ANXA2: variants seen among roughly 807,000 people sequenced by gnomAD.
The protein encoded by ANXA2 is annexin II.
ANXA2 carries 28 observed loss-of-function variants against 47.3 expected under a neutral mutation model. That is an observed-to-expected ratio of 0.59 (90% CI 0.44 to 0.81). The LOEUF is 0.81. Ranked by LOEUF, ANXA2 falls within the 40% of genes least tolerant of loss-of-function variation. The pLI is 0.00. For synonymous variants in ANXA2, 172 were observed against 155.5 expected, an observed-to-expected ratio of 1.11 and a Z score of -0.79; for missense variants, 384 against 414.3, an observed-to-expected ratio of 0.93 and a Z score of 0.64.
intron 1 of ANXA2, chr15:60,396,424 G>A (rs929682149): frequency 6.6e-6 from 1 of 152,190 alleles, no homozygotes; most frequent in Non-Finnish European, 1.5e-5. Flanking sequence ...CCAGAAGAGC[G>A]TCTCTAAGGA....
At chr15:60,394,196 G>A (rs1369404144) in intron 1 of ANXA2, among the ~76,000 whole-genome samples, 1 of 152,234 alleles carries the variant, frequency 6.6e-6, no homozygotes, top group African/African-American at 2.4e-5. Flanking sequence ...AGGCAGCAAA[G>A]AGGCAGGATG....
chr15:60,365,926 C>T (rs2062591351), intron 3 of ANXA2, among the ~76,000 whole-genome samples: 1 of 137,422 alleles, frequency 7.3e-6, no homozygotes, highest in African/African-American at 2.7e-5. Context: ...CTGCTGCCAT[C>T]TCGGCTCACT....
At chr15:60,366,593 G>C (rs2062609982) in intron 3 of ANXA2, among the ~76,000 whole-genome samples, 1 of 149,658 alleles carries the variant, frequency 6.7e-6, no homozygotes, top group South Asian at 2.1e-4. Flanking sequence ...TGAGAAGTGA[G>C]GAGCCCCTCC....
chr15:60,386,133 T>C (rs1196531273), intron 1 of ANXA2, 47 bp from the exon 2 acceptor site: 2 of 1,300,078 alleles, frequency 1.5e-6, no homozygotes, highest in South Asian at 1.2e-5. Flanking sequence ...GGCTCTCCTT[T>C]ACTCTGAAGC....
At chr15:60,383,493 T>C (rs17303041) in intron 2 of ANXA2, 11,848 of 152,300 alleles carry the variant, frequency 0.078, 679 homozygotes, top group South Asian at 0.23. Context: ...CCATTCCAGA[T>C]TGAGGTAAGG....
chr15:60,357,713 GA>G (rs796672447), intron 5 of ANXA2, among the ~76,000 whole-genome samples: 21 of 151,672 alleles, frequency 1.4e-4, no homozygotes, highest in African/African-American at 5.1e-4. Context: ...AGAATGGCGT[GA>G]ACCTGGGAGG....
At chr15:60,372,804 C>T (rs970782909) in intron 3 of ANXA2, among the ~76,000 whole-genome samples, 12 of 151,626 alleles carry the variant, frequency 7.9e-5, no homozygotes, top group African/African-American at 2.9e-4. Context: ...AATGATCCTC[C>T]TGCCTCAACC....
chr15:60,354,089 A>G (rs569889985), intron 8 of ANXA2, 65 bp downstream of exon 8: 1 of 1,297,672 alleles, frequency 7.7e-7, no homozygotes, highest in Non-Finnish European at 1.1e-6. Context: ...GAGTTAAATT[A>G]CTATATAGAC....
intron 3 of ANXA2, among the ~76,000 whole-genome samples, chr15:60,366,814 G>T (rs2062620240): frequency 9.4e-6 from 1 of 106,208 alleles, no homozygotes; most frequent in Non-Finnish European, 2.1e-5. Flanking sequence ...GGGGGGGGGG[G>T]GGTCGGCCAG....
chr15:60,385,978 A>C, intron 2 of ANXA2, 50 bp downstream of exon 2: 2 of 1,246,000 alleles, frequency 1.6e-6, no homozygotes, highest in Admixed American at 1.8e-5. Flanking sequence ...GGTTATCCAG[A>C]GAGATGTCCA....
At position 60,390,134 on chromosome 15, in the gene ANXA2, C is replaced by T. The variant is rs150984809; in HGVS notation, c.-11-4048G>A. On this transcript the variant is annotated intron_variant, in intron 1 of 12. Coordinates refer to ENST00000451270, the MANE Select transcript of ANXA2 (RefSeq NM_004039.3). ...AACAATGAGTTGCTATTTTGCATAA[C>T]ATTTATACTATGTATAACCATTTTG... 2.3e-3 allele frequency: 626 copies of T among 275,088 alleles called. 6 individuals carry two copies. The highest frequency in any genetic ancestry group is 0.014 in the African/African-American group (608 of 43,486). 17.0% of individuals were successfully genotyped at this position (275,088 alleles called of 1,614,324 possible).
intron 11 of ANXA2, among the ~76,000 whole-genome samples, chr15:60,350,101 G>C (rs28447462): frequency 6.8e-5 from 4 of 58,840 alleles, no homozygotes; most frequent in Middle Eastern, 8.1e-3. Flanking sequence ...GGCAGGGAGG[G>C]AGGGGAAGGC....
intron 3 of ANXA2, among the ~76,000 whole-genome samples, chr15:60,365,833 T>TCTCCCG (rs2062587203): frequency 1.3e-5 from 1 of 74,886 alleles, no homozygotes; most frequent in African/African-American, 6.3e-5. Context: ...TGAGTCTCCC[T>TCTCCCG]CTCCCTCTCC....
At chr15:60,357,034 C>A in intron 6 of ANXA2, 112 bp downstream of exon 6, 2 of 934,960 alleles carry the variant, frequency 2.1e-6, no homozygotes, top group African/African-American at 1.6e-5. Flanking sequence ...GTGGCAGGCA[C>A]TTCTGCACAT....
At chr15:60,377,535 T>C (rs938234409) in intron 3 of ANXA2, among the ~76,000 whole-genome samples, 2 of 152,152 alleles carry the variant, frequency 1.3e-5, no homozygotes, top group African/African-American at 4.8e-5. Context: ...GTCACACAAT[T>C]TGGTTTCCCA....
intron 5 of ANXA2, among the ~76,000 whole-genome samples, chr15:60,357,496 T>A (rs113749144): frequency 0.028 from 4,317 of 152,132 alleles, 189 homozygotes; most frequent in African/African-American, 0.099. Flanking sequence ...GTTTTTTTTT[T>A]TAAGTAGTGA....
chr15:60,376,255 G>A (rs1316195941), intron 3 of ANXA2, among the ~76,000 whole-genome samples: 1 of 152,054 alleles, frequency 6.6e-6, no homozygotes, highest in Non-Finnish European at 1.5e-5. Context: ...GGTGGCACAT[G>A]CCTGTAATCC....
intron 3 of ANXA2, among the ~76,000 whole-genome samples, chr15:60,381,995 G>T (rs968249267): frequency 6.6e-5 from 8 of 120,672 alleles, no homozygotes; most frequent in Admixed American, 2.3e-4. Flanking sequence ...CCAAAGAGAA[G>T]AAACGGGGGG....
chr15:60,367,465 C>T (rs1305766235), intron 3 of ANXA2, among the ~76,000 whole-genome samples: 2 of 68,186 alleles, frequency 2.9e-5, no homozygotes, highest in African/African-American at 7.1e-5. Flanking sequence ...TCCGGCCGGC[C>T]GCCCCGTCCG....
Sources: allele counts gnomAD v4.1 joint callset (sites outside exome capture counted in the v4.1 genomes callset), GRCh38; gene constraint gnomAD v4.1.1; transcripts MANE v1.5; gene names NCBI Gene and HGNC (gene_info 2026-07-23, HGNC 2026-07-21).